The following PTPRC variants were observed in gnomAD, a reference collection of about 807,000 sequenced individuals.
PTPRC encodes the protein protein tyrosine phosphatase receptor type C.
A neutral mutation model predicts 155.9 loss-of-function variants in PTPRC; 44 were observed. The observed-to-expected ratio is 0.28, with a 90% CI of 0.22 to 0.36. The LOEUF is 0.36. PTPRC is among the 10% of genes least tolerant of loss of function. The pLI is 1.00. For synonymous variants in PTPRC, 525 were observed against 533.1 expected, an observed-to-expected ratio of 0.98 and a Z score of 0.21; for missense variants, 1,401 against 1,564.6, an observed-to-expected ratio of 0.90 and a Z score of 1.76.
At chr1:198,649,713 C>T (rs146333523) in intron 2 of PTPRC, among the ~76,000 whole-genome samples, 61 of 151,858 alleles carry the variant, frequency 4.0e-4, no homozygotes, top group Non-Finnish European at 4.0e-4. Context: ...ATTCACTCAT[C>T]GATTCATCAA....
intron 14 of PTPRC, among the ~76,000 whole-genome samples, chr1:198,719,218 C>A (rs1247775655): frequency 6.6e-6 from 1 of 151,986 alleles, no homozygotes; most frequent in South Asian, 2.1e-4. Context: ...TCTTGAGAGG[C>A]TCACCAACAC....
At position 198,742,050 on chromosome 1, in the gene PTPRC, AAAAC is replaced by A. The variant is rs750005365; in HGVS notation, c.2561+27_2561+30del. 7 of 1,609,670 alleles carry A rather than the reference AAAAC, an allele frequency of 4.3e-6. No homozygotes were observed. The Admixed American group carries it at 6.7e-5, about 15-fold the overall frequency. Reference sequence around the variant, plus strand: ...AGGTAGGAAAAACGAACAAAAAAAAAAAACAACAACAAAAAAACTCCAACAGAAT... The same window carrying A: ...AGGTAGGAAAAACGAACAAAAAAAAAAACAACAAAAAAACTCCAACAGAAT... On this transcript the variant is annotated intron_variant, in intron 24 of 32. Transcript: ENST00000442510.
chr1:198,731,224 G>A (rs1013855521), intron 17 of PTPRC, among the ~76,000 whole-genome samples: 3 of 151,964 alleles, frequency 2.0e-5, no homozygotes, highest in Non-Finnish European at 4.4e-5. Context: ...CATGTTTACA[G>A]TATTTCACAA....
chr1:198,755,526 A>G (rs1655601381), intron 32 of PTPRC, among the ~76,000 whole-genome samples: 1 of 152,084 alleles, frequency 6.6e-6, no homozygotes, highest in African/African-American at 2.4e-5. Context: ...AGGGCATTTA[A>G]TTTAAACTTT....
intron 2 of PTPRC, among the ~76,000 whole-genome samples, chr1:198,682,912 C>T (rs748849099): frequency 1.3e-5 from 2 of 152,128 alleles, no homozygotes; most frequent in Non-Finnish European, 2.9e-5. Context: ...TACTCTGAAT[C>T]CCATTTTGAT....
intron 8 of PTPRC, 133 bp from the exon 9 acceptor site, chr1:198,706,601 G>A (rs1010634856): frequency 7.9e-6 from 7 of 885,646 alleles, no homozygotes; most frequent in African/African-American, 1.7e-5. Context: ...ATGATATGGA[G>A]GCACCTAATG....
chr1:198,732,111 A>G (rs184168413), intron 18 of PTPRC, among the ~76,000 whole-genome samples, 189 bp from the exon 19 acceptor site: 8 of 152,000 alleles, frequency 5.3e-5, no homozygotes. Context: ...TCAATCATTA[A>G]TTTGTAAGAA....
chr1:198,699,699 T>C lies in PTPRC; in HGVS notation c.434T>C (p.Ile145Thr). 1 of 1,614,216 alleles carries C rather than the reference T, an allele frequency of 6.2e-7. No homozygotes were observed. Among genetic ancestry groups the C allele is most frequent in the Non-Finnish European group, 8.5e-7 (1 of 1,180,028 alleles). Residue 145 changes from isoleucine (I) to threonine (T), a missense_variant, in exon 5 of 33, where the codon ATC becomes ACC. Physicochemically the swap from Ile to Thr is moderately conservative, Grantham distance 89. Transcript: ENST00000442510. ...KLNPTPGSNAISDVPGERSTA... is the reference protein window; with the variant it reads ...KLNPTPGSNATSDVPGERSTA... ...AACCCTACCCCAGGCAGCAATGCTA[T>C]CTCAGGTTTGCGGGTCCTTTAGACT... is the stretch of plus-strand genomic sequence containing the variant.
At chr1:198,674,414 T>TACAATTTTACAATGTC (rs1486939636) in intron 2 of PTPRC, among the ~76,000 whole-genome samples, 1 of 151,768 alleles carries the variant, frequency 6.6e-6, no homozygotes. Context: ...TTTACAATTT[T>TACAATTTTACAATGTC]ACAATTTTAC....
chr1:198,700,570 A>T (rs1666413302), intron 5 of PTPRC, among the ~76,000 whole-genome samples: 1 of 152,208 alleles, frequency 6.6e-6, no homozygotes, highest in African/African-American at 2.4e-5. Context: ...TCCTCATTCC[A>T]TCTAGTCCAG....
chr1:198,646,069 T>G (rs1662922779), intron 2 of PTPRC, among the ~76,000 whole-genome samples: 1 of 151,850 alleles, frequency 6.6e-6, no homozygotes, highest in South Asian at 2.1e-4. Context: ...TGAAAACAAA[T>G]ATTTAATTAG....
intron 3 of PTPRC, chr1:198,694,357 G>T: frequency 1.0e-6 from 1 of 970,522 alleles, no homozygotes; most frequent in Non-Finnish European, 1.4e-6. Context: ...GCCTCCCCCA[G>T]TCCACTGACT....
chr1:198,694,200 A>T, intron 3 of PTPRC: 1 of 1,439,504 alleles, frequency 6.9e-7, no homozygotes, highest in Non-Finnish European at 9.2e-7. Flanking sequence ...AGCAGGAAGC[A>T]GCCAGCACGA....
intron 17 of PTPRC, among the ~76,000 whole-genome samples, chr1:198,729,426 A>G (rs1175666312): frequency 6.6e-6 from 1 of 152,074 alleles, no homozygotes; most frequent in Non-Finnish European, 1.5e-5. Context: ...TATTTTTAGT[A>G]GAGATGGGAT....
At chr1:198,664,985 T>G (rs762940787) in intron 2 of PTPRC, among the ~76,000 whole-genome samples, 3 of 151,652 alleles carry the variant, frequency 2.0e-5, no homozygotes, top group Non-Finnish European at 4.4e-5. Flanking sequence ...CCATGAAAAA[T>G]CCAGGTATCC....
chr1:198,670,816 T>C (rs180962786), intron 2 of PTPRC, among the ~76,000 whole-genome samples: 2 of 152,262 alleles, frequency 1.3e-5, no homozygotes, highest in East Asian at 3.9e-4. Context: ...TTTTGCATCC[T>C]CTGATTCAGC....
chr1:198,737,209 T>C (rs746234415), intron 23 of PTPRC, among the ~76,000 whole-genome samples: 13 of 151,722 alleles, frequency 8.6e-5, no homozygotes, highest in Non-Finnish European at 1.3e-4. Flanking sequence ...ATTCTACTTG[T>C]TCATTTTTGC....
At chr1:198,709,893 T>C (rs1363515972) in intron 11 of PTPRC, 69 bp downstream of exon 11, 3 of 1,566,928 alleles carry the variant, frequency 1.9e-6, no homozygotes, top group Non-Finnish European at 2.6e-6. Context: ...TATTTGAGAA[T>C]CATAGGAAAT....
At chr1:198,725,407 TA>T (rs1312432557) in intron 15 of PTPRC, among the ~76,000 whole-genome samples, 5 of 152,212 alleles carry the variant, frequency 3.3e-5, no homozygotes, top group Non-Finnish European at 1.5e-5. Flanking sequence ...ATTGCTGATT[TA>T]TTTTTTTCTG....
Sources: gnomAD v4.1 joint callset for allele counts (sites outside exome capture counted in the v4.1 genomes callset) on GRCh38, gnomAD v4.1.1 for gene constraint, MANE v1.5 for transcripts, NCBI Gene and HGNC (gene_info 2026-07-23, HGNC 2026-07-21) for gene names.